RAB37: variants seen among roughly 807,000 people sequenced by gnomAD.
RAB37 encodes the protein RAB37, member RAS oncogene family.
A neutral mutation model predicts 33.1 loss-of-function variants in RAB37; 29 were observed. That is an observed-to-expected ratio of 0.88 (90% CI 0.65 to 1.20). RAB37 has a LOEUF of 1.20. Among genes scored for constraint, RAB37 ranks in the 50% most tolerant of loss-of-function variants. The probability of loss-of-function intolerance (pLI) is 0.00; values close to 1 mark genes in which losing one functional copy is unlikely to be tolerated. For synonymous variants in RAB37, 128 were observed against 119.5 expected, an observed-to-expected ratio of 1.07 and a Z score of -0.47; for missense variants, 299 against 301.1, an observed-to-expected ratio of 0.99 and a Z score of 0.05.
At chr17:74,705,887 G>A (rs530592566) in intron 1 of RAB37, among the ~76,000 whole-genome samples, 1 of 152,132 alleles carries the variant, frequency 6.6e-6, no homozygotes, top group Non-Finnish European at 1.5e-5. Context: ...GCCCCACAAC[G>A]CCTGGCCTGT....
rs753038856 is a variant in RAB37 at position 74,744,260 on chromosome 17, G to C, written c.367-48G>C. 5.1e-6 allele frequency: 8 copies of C among 1,563,190 alleles called. No individual in the cohort carries two copies. Among genetic ancestry groups the C allele is most frequent in the Non-Finnish European group, 6.1e-6 (7 of 1,139,318 alleles). On this transcript the variant is annotated intron_variant, in intron 5 of 8. Transcript: ENST00000392613. The surrounding 1 kb of genome is among the most constrained non-coding windows in gnomAD (Gnocchi z 4.2). ...AGTCAAACGGAGCAGAAGAAGAAAG[G>C]GGCAGCAGGAGGAAGAGAATGCCAG...
intron 1 of RAB37, among the ~76,000 whole-genome samples, chr17:74,678,510 A>G (rs940824511): frequency 1.3e-5 from 2 of 152,050 alleles, no homozygotes; most frequent in Non-Finnish European, 2.9e-5. Flanking sequence ...GCACCTTCTC[A>G]TTTGCTTATT....
chr17:74,709,720 T>C (rs1489628146), intron 1 of RAB37, among the ~76,000 whole-genome samples: 1 of 151,960 alleles, frequency 6.6e-6, no homozygotes, highest in East Asian at 1.9e-4. Context: ...ACCACAGGCA[T>C]GCACCACCAT....
At position 74,684,282 on chromosome 17, in the gene RAB37, T is replaced by A. The variant is rs547454385; in HGVS notation, c.72+12624T>A. 4.6e-3 allele frequency among the ~76,000 whole-genome samples: 697 copies of A among 150,646 alleles called. 24 individuals carry two copies. The East Asian group carries it at 0.095, about 21-fold the overall frequency. ...CCCTGTTAATTTTTTTTTTTTTTTT[T>A]AGTAAAGATGGTATTGGCCAGGCTG... On this transcript the variant is annotated intron_variant, in intron 1 of 7. Transcript: ENST00000340415.
chr17:74,744,797 C>A lies in RAB37; in HGVS notation c.433-76C>A. The A allele has an allele frequency of 6.3e-7, 1 of 1,576,614 alleles. No homozygotes were observed. Among genetic ancestry groups the A allele is most frequent in the Non-Finnish European group, 8.7e-7 (1 of 1,146,226 alleles). ...GGCCACCAGCAGAGGGCAGGCAACG[C>A]CTGCTTCTGGGGCAAAATATGGGCC... On this transcript the variant is annotated intron_variant, in intron 6 of 8. Coordinates refer to ENST00000392613, the MANE Select transcript of RAB37 (RefSeq NM_001006638.3). This position sits in a 1 kb window ranked among gnomAD's most constrained non-coding sequence, Gnocchi z 4.2.
At chr17:74,721,403 T>C (rs991669051) in intron 1 of RAB37, among the ~76,000 whole-genome samples, 1 of 152,060 alleles carries the variant, frequency 6.6e-6, no homozygotes, top group African/African-American at 2.4e-5. Context: ...AACACTACAA[T>C]GAGCATCCTT....
At chr17:74,686,136 A>G (rs2032050348) in intron 1 of RAB37, among the ~76,000 whole-genome samples, 1 of 152,050 alleles carries the variant, frequency 6.6e-6, no homozygotes, top group South Asian at 2.1e-4. Context: ...TCTGTCACCC[A>G]GGCTGGAGTG....
intron 1 of RAB37, among the ~76,000 whole-genome samples, chr17:74,698,074 A>G (rs1234297126): frequency 2.0e-5 from 3 of 152,172 alleles, no homozygotes; most frequent in Non-Finnish European, 4.4e-5. Context: ...ACCTAAGACC[A>G]TTGCCACCTA....
chr17:74,693,208 C>T (rs1267306917), intron 1 of RAB37, among the ~76,000 whole-genome samples: 3 of 152,176 alleles, frequency 2.0e-5, no homozygotes, highest in Admixed American at 6.5e-5. Context: ...CACCAGTCTG[C>T]GGGAAGAGCA....
Position 74,745,427 on chromosome 17 carries a change from G to A in RAB37, c.*16G>A. The A allele has an allele frequency of 3.7e-6, 6 of 1,603,416 alleles. No homozygotes were observed. The highest frequency in any genetic ancestry group is 5.1e-6 in the Non-Finnish European group (6 of 1,170,412). ...CTTCATGTGAATCCCAGGGGGCAGA[G>A]AGGAGGCTCTGGAGGCACACAGGAT... On this transcript the variant is annotated 3_prime_UTR_variant, in exon 9 of 9. Transcript: ENST00000392613. The surrounding 1 kb of genome is among the most constrained non-coding windows in gnomAD (Gnocchi z 4.5).
intron 1 of RAB37, among the ~76,000 whole-genome samples, chr17:74,690,302 G>A (rs1432179790): frequency 1.3e-5 from 2 of 152,194 alleles, no homozygotes; most frequent in African/African-American, 4.8e-5. Context: ...AAGAAGGGAA[G>A]CCCCAGCAAC....
At chr17:74,728,912 G>A (rs370543918) in intron 1 of RAB37, among the ~76,000 whole-genome samples, 10 of 151,804 alleles carry the variant, frequency 6.6e-5, no homozygotes, top group South Asian at 2.1e-4. Flanking sequence ...GTGTCTGTAC[G>A]TGTCTTGTGC....
At chr17:74,735,021 GAAA>G (rs1290905362), upstream of RAB37, among the ~76,000 whole-genome samples, 713 of 45,136 alleles carry the variant, frequency 0.016, 5 homozygotes, top group Admixed American at 0.03. Flanking sequence ...AAGGAAGGAA[GAAA>G]GAAAGAAAGA....
chr17:74,732,205 T>G (rs1251937557), intron 2 of RAB37, among the ~76,000 whole-genome samples: 1 of 152,194 alleles, frequency 6.6e-6, no homozygotes, highest in Non-Finnish European at 1.5e-5. Context: ...TCATCTGAAA[T>G]GCAAATTCTA....
rs148424620 is a variant in RAB37, at chr17:74,675,114, G to A, written c.72+3456G>A. 2.0e-3 allele frequency among the ~76,000 whole-genome samples: 303 copies of A among 152,222 alleles called. 2 individuals carry two copies. The highest frequency in any genetic ancestry group is 6.9e-3 in the African/African-American group (286 of 41,538). The stretch of plus-strand genomic sequence containing the variant: ...GATGTTAGCGAATATAATGTAACGC[G>A]TATATATAAAATCTCTGGAATATAG... On this transcript the variant is annotated intron_variant, in intron 1 of 7. Coordinates refer to the RAB37 transcript ENST00000340415.
At chr17:74,697,735 C>T (rs754474408) in intron 1 of RAB37, among the ~76,000 whole-genome samples, 58 of 152,002 alleles carry the variant, frequency 3.8e-4, no homozygotes, top group Non-Finnish European at 6.2e-4. Context: ...CAAGAGGCTC[C>T]TCCCTGAAGA....
chr17:74,717,254 C>T (rs775291783), intron 1 of RAB37, among the ~76,000 whole-genome samples: 17 of 152,352 alleles, frequency 1.1e-4, no homozygotes, highest in Non-Finnish European at 2.2e-4. Flanking sequence ...TTTTCCAGAT[C>T]TCATGCCCCT....
At chr17:74,735,107 AAGGC>A (rs1357482639), upstream of RAB37, among the ~76,000 whole-genome samples, 1 of 150,228 alleles carries the variant, frequency 6.7e-6, no homozygotes, top group African/African-American at 2.5e-5. Context: ...GGAAGGAAGG[AAGGC>A]AGGCAGGCAA....
chr17:74,732,580 AGTGT>A (rs1297424190), upstream of RAB37, among the ~76,000 whole-genome samples: 1 of 105,776 alleles, frequency 9.5e-6, no homozygotes, highest in African/African-American at 3.7e-5. Flanking sequence ...GTGTGGTGTG[AGTGT>A]GTGTGTATGG....
Sources: allele counts gnomAD v4.1 joint callset (sites outside exome capture counted in the v4.1 genomes callset), GRCh38; gene constraint gnomAD v4.1.1; non-coding constraint Gnocchi (gnomAD v3.1); transcripts MANE v1.5; gene names NCBI Gene and HGNC (gene_info 2026-07-23, HGNC 2026-07-21).